PRKG1: variants seen among roughly 807,000 people sequenced by gnomAD.
The protein encoded by PRKG1 is cGMP-dependent protein kinase 1.
A neutral mutation model predicts 88.1 loss-of-function variants in PRKG1; 35 were observed. The observed-to-expected ratio is 0.40, with a 90% CI of 0.30 to 0.53. The LOEUF is 0.53. Ranked by LOEUF, PRKG1 falls within the 20% of genes least tolerant of loss-of-function variation. The pLI, the probability that PRKG1 is intolerant of heterozygous loss-of-function variation, is 0.59. For missense variants in PRKG1, 540 were observed against 839.8 expected (o/e 0.64, Z 4.41); for synonymous variants, 303 against 292.5 (o/e 1.04, Z -0.37).
intron 5 of PRKG1, among the ~76,000 whole-genome samples, chr10:51,967,099 A>G (rs1023087581): frequency 1.3e-5 from 2 of 152,182 alleles, no homozygotes; most frequent in Non-Finnish European, 2.9e-5. Context: ...TGCTATAAAG[A>G]CACATGCACA....
In PRKG1 at chr10:51,205,127, C is replaced by CTTTCTTTTTTTT. The variant is rs1433048297; in HGVS notation, c.478+51800_478+51801insCTTTTTTTTTTT. Among the ~76,000 whole-genome samples the CTTTCTTTTTTTT allele has an allele frequency of 1.4e-3, 92 of 64,010 alleles. 19 individuals carry two copies. The highest frequency in any genetic ancestry group is 2.3e-3 in the East Asian group (5 of 2,186). 42.0% of individuals were successfully genotyped at this position (64,010 alleles called of 152,430 possible). On this transcript the variant is annotated intron_variant, in intron 2 of 17. Coordinates refer to ENST00000373980, the MANE Select transcript of PRKG1 (RefSeq NM_006258.4). ...TAAGGAAGAATTTTCATTTTCTTTT[C>CTTTCTTTTTTTT]TTTTTTTTTTTTTTTTTTTTTTTTT...
intron 1 of PRKG1, among the ~76,000 whole-genome samples, chr10:51,021,980 C>T (rs1843144322): frequency 6.6e-6 from 1 of 152,214 alleles, no homozygotes; most frequent in African/African-American, 2.4e-5. Flanking sequence ...TGCGCCTGAC[C>T]AAGCCTGGTT....
At chr10:51,451,601 G>A (rs745511760) in intron 2 of PRKG1, among the ~76,000 whole-genome samples, 1 of 151,880 alleles carries the variant, frequency 6.6e-6, no homozygotes, top group Non-Finnish European at 1.5e-5. Flanking sequence ...CTTCTTAACA[G>A]GGGGATACTT....
At chr10:51,759,453 G>A (rs547936396) in intron 3 of PRKG1, among the ~76,000 whole-genome samples, 1 of 152,202 alleles carries the variant, frequency 6.6e-6, no homozygotes, top group South Asian at 2.1e-4. Flanking sequence ...TTTTAGCAGA[G>A]ATGGGGTTTC....
intron 7 of PRKG1, among the ~76,000 whole-genome samples, chr10:52,099,456 T>C (rs1332856075): frequency 6.6e-6 from 1 of 152,192 alleles, no homozygotes; most frequent in African/African-American, 2.4e-5. Context: ...CATCATTCTC[T>C]AACTATGAAG....
intron 1 of PRKG1, among the ~76,000 whole-genome samples, chr10:51,034,878 G>C (rs1843334224): frequency 6.6e-6 from 1 of 151,604 alleles, no homozygotes; most frequent in African/African-American, 2.4e-5. Context: ...CTGCTTTCTG[G>C]ATCATTCATT....
chr10:52,101,543 TAATAAC>T (rs1847293417), intron 7 of PRKG1, among the ~76,000 whole-genome samples: 1 of 152,180 alleles, frequency 6.6e-6, no homozygotes, highest in African/African-American at 2.4e-5. Flanking sequence ...ACAGGGCACT[TAATAAC>T]AATAGTAATA....
chr10:51,984,786 C>T (rs901430581), intron 5 of PRKG1, among the ~76,000 whole-genome samples: 1 of 151,880 alleles, frequency 6.6e-6, no homozygotes, highest in African/African-American at 2.4e-5. Context: ...GGGGCCTAAT[C>T]GTTCTAAATG....
intron 2 of PRKG1, among the ~76,000 whole-genome samples, chr10:51,458,168 A>G (rs1839641935): frequency 6.6e-6 from 1 of 152,214 alleles, no homozygotes. Context: ...CATCAAGCGC[A>G]GATATTTTAA....
intron 3 of PRKG1, among the ~76,000 whole-genome samples, chr10:51,732,090 C>T (rs1322794216): frequency 6.9e-6 from 1 of 144,650 alleles, no homozygotes; most frequent in African/African-American, 2.6e-5. Flanking sequence ...AACAGAGTCT[C>T]ACTCTGATGC....
chr10:51,369,960 T>G (rs1270576148), intron 2 of PRKG1, among the ~76,000 whole-genome samples: 1 of 152,192 alleles, frequency 6.6e-6, no homozygotes, highest in Admixed American at 6.6e-5. Flanking sequence ...GTTTACTTTT[T>G]TCTTTCTTGT....
intron 5 of PRKG1, among the ~76,000 whole-genome samples, chr10:52,018,573 C>T (rs931278832): frequency 2.6e-5 from 4 of 152,030 alleles, no homozygotes; most frequent in African/African-American, 7.2e-5. Flanking sequence ...AACAACAAAC[C>T]CCAAAACAAC....
At chr10:51,030,815 G>A (rs1444906575) in intron 1 of PRKG1, among the ~76,000 whole-genome samples, 1 of 152,114 alleles carries the variant, frequency 6.6e-6, no homozygotes, top group African/African-American at 2.4e-5. Flanking sequence ...GCTTCCTGAA[G>A]TCCTGACCAG....
intron 3 of PRKG1, among the ~76,000 whole-genome samples, chr10:51,748,324 C>G (rs1837632732): frequency 6.6e-6 from 1 of 152,112 alleles, no homozygotes; most frequent in African/African-American, 2.4e-5. Flanking sequence ...TATAGTTTGG[C>G]CTGTTGTGTA....
intron 3 of PRKG1, among the ~76,000 whole-genome samples, chr10:51,776,020 A>G (rs958276983): frequency 6.6e-6 from 1 of 152,154 alleles, no homozygotes; most frequent in African/African-American, 2.4e-5. Context: ...TATGACCTTC[A>G]GCAAGTTAGT....
At chr10:52,165,828 CA>C (rs1838419578) in intron 9 of PRKG1, among the ~76,000 whole-genome samples, 1 of 152,154 alleles carries the variant, frequency 6.6e-6, no homozygotes, top group African/African-American at 2.4e-5. Flanking sequence ...AAAGATTTCA[CA>C]AAATGTACAG....
intron 1 of PRKG1, among the ~76,000 whole-genome samples, chr10:51,121,143 G>A (rs1174115216): frequency 6.6e-6 from 1 of 152,070 alleles, no homozygotes; most frequent in Non-Finnish European, 1.5e-5. Context: ...CAAGTATCGT[G>A]GTGATTAATT....
At chr10:51,738,354 A>G (rs1837345348) in intron 3 of PRKG1, among the ~76,000 whole-genome samples, 1 of 152,152 alleles carries the variant, frequency 6.6e-6, no homozygotes, top group Non-Finnish European at 1.5e-5. Flanking sequence ...AAGATTGGAA[A>G]TAGAAGAGCA....
At chr10:51,081,017 G>T (rs1844096215) in intron 1 of PRKG1, among the ~76,000 whole-genome samples, 1 of 152,080 alleles carries the variant, frequency 6.6e-6, no homozygotes, top group Non-Finnish European at 1.5e-5. Context: ...AACACAATGT[G>T]GAACTAATAG....
Sources: gnomAD v4.1 joint callset for allele counts (sites outside exome capture counted in the v4.1 genomes callset) on GRCh38, gnomAD v4.1.1 for gene constraint, MANE v1.5 for transcripts, NCBI Gene and HGNC (gene_info 2026-07-23, HGNC 2026-07-21) for gene names.